ZNF521: variants seen among roughly 807,000 people sequenced by gnomAD.
ZNF521 encodes zinc finger protein 521.
ZNF521 carries 14 observed loss-of-function variants against 105.5 expected under a neutral mutation model. That is an observed-to-expected ratio of 0.13 (90% CI 0.09 to 0.21). ZNF521 has a LOEUF of 0.21. Among genes scored for constraint, ZNF521 ranks in the 10% least tolerant of loss-of-function variants. The pLI, the probability that ZNF521 is intolerant of heterozygous loss-of-function variation, is 1.00. For synonymous variants in ZNF521, 635 were observed against 606.0 expected (o/e 1.05, Z -0.70); for missense variants, 1,233 against 1,629.7 (o/e 0.76, Z 4.19).
At chr18:25,152,612 T>A (rs1359496145) in intron 5 of ZNF521, among the ~76,000 whole-genome samples, 2 of 152,188 alleles carry the variant, frequency 1.3e-5, no homozygotes, top group African/African-American at 4.8e-5. Flanking sequence ...AACATTTTTT[T>A]AAAAGTTTTA....
At chr18:25,082,409 T>C (rs536991241) in intron 7 of ZNF521, among the ~76,000 whole-genome samples, 1 of 152,248 alleles carries the variant, frequency 6.6e-6, no homozygotes, top group South Asian at 2.1e-4. Flanking sequence ...CTGATCAGTA[T>C]AGGACCCGGA....
In ZNF521 at chr18:25,226,227, T is replaced by C; in HGVS notation, c.1691A>G (p.Tyr564Cys). The stretch of plus-strand genomic sequence containing the variant: ...GTTGAATATTGGCGAATTTGTACAA[T>C]AGGAACAAGAATAGACTTCTACTAC... The part of the protein sequence containing the change: ...EPVVEVYSCS[Y>C]CTNSPIFNSV... The change falls in exon 4 of 8, where the codon TAT becomes TGT. Residue 564 changes from tyrosine to cysteine, a missense_variant. This residue lies in a region of ZNF521 where 380 missense variants were observed against 478.0 expected (regional missense o/e 0.80). Transcript: ENST00000361524. This position sits in a 1 kb window ranked among gnomAD's most constrained non-coding sequence, Gnocchi z 4.1. The C allele has an allele frequency of 1.2e-6, 2 of 1,614,166 alleles. No individual in the cohort carries two copies. The highest frequency in any genetic ancestry group is 1.7e-6 in the Non-Finnish European group (2 of 1,180,022).
chr18:25,182,695 G>C (rs1195807511), intron 5 of ZNF521, among the ~76,000 whole-genome samples: 1 of 152,114 alleles, frequency 6.6e-6, no homozygotes, highest in Non-Finnish European at 1.5e-5. Flanking sequence ...AGATCAGCAA[G>C]CCGTGTTTTA....
chr18:25,291,934 G>GAA (rs78119042), intron 3 of ZNF521, among the ~76,000 whole-genome samples: 4 of 142,726 alleles, frequency 2.8e-5, no homozygotes, highest in East Asian at 2.0e-4. Context: ...ATTGCACCAA[G>GAA]AAAAAAAAAA....
At chr18:25,168,217 G>C (rs1268673485) in intron 5 of ZNF521, among the ~76,000 whole-genome samples, 1 of 152,122 alleles carries the variant, frequency 6.6e-6, no homozygotes, top group Non-Finnish European at 1.5e-5. Flanking sequence ...GTAAAGTCAA[G>C]CTGCTTGGAG....
chr18:25,256,529 G>GGAGTA (rs1908517604), intron 3 of ZNF521, among the ~76,000 whole-genome samples: 1 of 152,090 alleles, frequency 6.6e-6, no homozygotes, highest in African/African-American at 2.4e-5. Flanking sequence ...ATGTCAGGTT[G>GGAGTA]GAGTATGCAG....
chr18:25,088,509 G>A (rs1158811401), intron 7 of ZNF521, among the ~76,000 whole-genome samples: 2 of 151,912 alleles, frequency 1.3e-5, no homozygotes, highest in South Asian at 2.1e-4. Context: ...GTGAGCCACC[G>A]TGCCCGGCCA....
chr18:25,306,592 G>A (rs1377464486), intron 3 of ZNF521, among the ~76,000 whole-genome samples: 1 of 152,104 alleles, frequency 6.6e-6, no homozygotes, highest in Non-Finnish European at 1.5e-5. Flanking sequence ...CATATTGAAA[G>A]ACAAGAACAC....
At chr18:25,212,308 G>T (rs937255591) in intron 4 of ZNF521, among the ~76,000 whole-genome samples, 9 of 150,984 alleles carry the variant, frequency 6.0e-5, no homozygotes, top group African/African-American at 1.7e-4. Flanking sequence ...TCAGCAGTTC[G>T]AGACCAGCCT....
chr18:25,243,916 A>C (rs1323390195), intron 3 of ZNF521, among the ~76,000 whole-genome samples: 1 of 152,184 alleles, frequency 6.6e-6, no homozygotes, highest in Non-Finnish European at 1.5e-5. Flanking sequence ...AAGCAAATGA[A>C]AACAGAGCAC....
At chr18:25,276,820 ACAC>A (rs1320873888) in intron 3 of ZNF521, among the ~76,000 whole-genome samples, 4 of 152,238 alleles carry the variant, frequency 2.6e-5, no homozygotes, top group African/African-American at 9.6e-5. Flanking sequence ...CTTTAACAAA[ACAC>A]AATCTGTGAT....
chr18:25,232,544 C>T (rs4133168), intron 3 of ZNF521, among the ~76,000 whole-genome samples: 55,077 of 152,004 alleles, frequency 0.36, 10,574 homozygotes, highest in African/African-American at 0.49. Flanking sequence ...CAGTTGTATA[C>T]GCAGCTAGCA....
chr18:25,158,089 A>G (rs995584483), intron 5 of ZNF521, among the ~76,000 whole-genome samples: 7 of 152,036 alleles, frequency 4.6e-5, no homozygotes, highest in Non-Finnish European at 7.4e-5. Flanking sequence ...TCTCTAATAT[A>G]AAATGGGGAT....
chr18:25,281,966 A>T (rs72874472), intron 3 of ZNF521, among the ~76,000 whole-genome samples: 1,940 of 152,300 alleles, frequency 0.013, 23 homozygotes, highest in Non-Finnish European at 0.02. Flanking sequence ...TTCTAGGCAA[A>T]GCTTTTTGCC....
intron 5 of ZNF521, among the ~76,000 whole-genome samples, chr18:25,193,069 A>C (rs2035845916): frequency 6.6e-6 from 1 of 152,134 alleles, no homozygotes; most frequent in South Asian, 2.1e-4. Flanking sequence ...GAATTGTTAA[A>C]TGCTCAGGTC....
intron 5 of ZNF521, among the ~76,000 whole-genome samples, chr18:25,116,443 C>G (rs2034303580): frequency 1.3e-5 from 2 of 152,066 alleles, no homozygotes; most frequent in South Asian, 4.1e-4. Context: ...CAAAAGGTAA[C>G]CCCTTAAACA....
intron 3 of ZNF521, among the ~76,000 whole-genome samples, chr18:25,285,982 A>G (rs1225268542): frequency 6.6e-6 from 1 of 152,234 alleles, no homozygotes; most frequent in Non-Finnish European, 1.5e-5. Context: ...ACTTCTGCTC[A>G]TATCAGGGTA....
At chr18:25,328,262 C>T (rs189574398) in intron 2 of ZNF521, among the ~76,000 whole-genome samples, 2 of 152,124 alleles carry the variant, frequency 1.3e-5, no homozygotes, top group East Asian at 3.9e-4. Flanking sequence ...CTATCACGGT[C>T]CTTGAAGACC....
At chr18:25,269,129 G>A (rs1909472408) in intron 3 of ZNF521, among the ~76,000 whole-genome samples, 1 of 151,222 alleles carries the variant, frequency 6.6e-6, no homozygotes, top group East Asian at 1.9e-4. Context: ...AAAAAGCAGG[G>A]GTTGCAATCC....
Sources: allele counts gnomAD v4.1 joint callset (sites outside exome capture counted in the v4.1 genomes callset), GRCh38; gene constraint gnomAD v4.1.1; regional missense constraint gnomAD v4.1.1; non-coding constraint Gnocchi (gnomAD v3.1); transcripts MANE v1.5; gene names NCBI Gene and HGNC (gene_info 2026-07-23, HGNC 2026-07-21).